INTS15: variants seen among roughly 807,000 people sequenced by gnomAD.
INTS15 encodes the protein uncharacterized protein C7orf26.
the INTS15 span, chr7:6,600,213 T>C: frequency 1.2e-6 from 2 of 1,614,182 alleles, no homozygotes; most frequent in Admixed American, 3.3e-5. Context: ...TTCGACCACA[T>C]GGTCCCGCTG....
At chr7:6,605,185 C>T in the INTS15 span, among the ~76,000 whole-genome samples, 1 of 152,082 alleles carries the variant, frequency 6.6e-6, no homozygotes, top group South Asian at 2.1e-4. Flanking sequence ...GACAGGGTTT[C>T]GCCATGTTGG....
the INTS15 span, among the ~76,000 whole-genome samples, chr7:6,603,839 CA>C: frequency 2.8e-5 from 4 of 145,330 alleles, no homozygotes; most frequent in Non-Finnish European, 3.0e-5. Flanking sequence ...AACTCCGTTT[CA>C]AAAAAAAAAA....
chr7:6,594,228 AAC>A, the INTS15 span, among the ~76,000 whole-genome samples: 4 of 151,238 alleles, frequency 2.6e-5, no homozygotes, highest in Admixed American at 2.6e-4. Flanking sequence ...GCTGGTCTCG[AAC>A]TCCTGACCTC....
At chr7:6,590,235 C>T in the INTS15 span, 2 of 1,423,914 alleles carry the variant, frequency 1.4e-6, no homozygotes, top group Non-Finnish European at 1.8e-6. Flanking sequence ...GTCCCGGGCC[C>T]CGGGCGGAAG....
chr7:6,608,612 C>T, the INTS15 span: 2 of 790,290 alleles, frequency 2.5e-6, no homozygotes, highest in Non-Finnish European at 3.1e-6. Flanking sequence ...TTATGTGCAG[C>T]ACTGCTCAGG....
At chr7:6,600,480 A>C in the INTS15 span, 1 of 1,044,654 alleles carries the variant, frequency 9.6e-7, no homozygotes, top group African/African-American at 1.6e-5. Flanking sequence ...CCTAGTGAAC[A>C]CAGGGGAGGA....
chr7:6,595,911 T>C, the INTS15 span, among the ~76,000 whole-genome samples: 2 of 152,162 alleles, frequency 1.3e-5, no homozygotes, highest in African/African-American at 4.8e-5. Context: ...CTGTTGCTGC[T>C]CACAGGGCTG....
At chr7:6,594,445 T>C in the INTS15 span, 1 of 1,614,034 alleles carries the variant, frequency 6.2e-7, no homozygotes, top group Non-Finnish European at 8.5e-7. Flanking sequence ...CGGACGCCCG[T>C]GGTTTACTGT....
the INTS15 span, among the ~76,000 whole-genome samples, chr7:6,593,124 G>A: frequency 1.3e-5 from 2 of 152,138 alleles, no homozygotes; most frequent in Non-Finnish European, 2.9e-5. Context: ...TGTAAAGCAA[G>A]AGCTGGCAGA....
chr7:6,596,050 C>CT, the INTS15 span, among the ~76,000 whole-genome samples: 126,802 of 148,396 alleles, frequency 0.85, 54,784 homozygotes, highest in African/African-American at 0.95. Context: ...TTTGAGCCTT[C>CT]TTTTTTTTTT....
chr7:6,593,475 C>T, the INTS15 span, among the ~76,000 whole-genome samples: 18,258 of 151,084 alleles, frequency 0.12, 1,367 homozygotes, highest in African/African-American at 0.22. Context: ...GGACTACAGG[C>T]GCCCACCATC....
At chr7:6,603,561 G>C in the INTS15 span, among the ~76,000 whole-genome samples, 1 of 150,880 alleles carries the variant, frequency 6.6e-6, no homozygotes, top group Non-Finnish European at 1.5e-5. Context: ...AAACAAAAAG[G>C]CTGGGCACGG....
chr7:6,598,735 T>TGTGTGTGTGTGTG, the INTS15 span, among the ~76,000 whole-genome samples: 3 of 83,618 alleles, frequency 3.6e-5, no homozygotes, highest in Admixed American at 3.3e-4. Context: ...GCTGTATGCT[T>TGTGTGTGTGTGTG]TGTGTGTGTG....
chr7:6,600,776 GC>G, the INTS15 span, among the ~76,000 whole-genome samples: 1 of 152,060 alleles, frequency 6.6e-6, no homozygotes. Flanking sequence ...TCGTGCATCA[GC>G]CTCCCGAAGA....
chr7:6,599,859 A>C, the INTS15 span: 1 of 1,613,982 alleles, frequency 6.2e-7, no homozygotes, highest in Admixed American at 1.7e-5. Context: ...GACTTGCTTG[A>C]AATGATTGTC....
At chr7:6,590,321 C>A in the INTS15 span, 1 of 1,591,254 alleles carries the variant, frequency 6.3e-7, no homozygotes, top group Non-Finnish European at 8.5e-7. Context: ...CGCCGCGATG[C>A]GCTGAGCGCC....
the INTS15 span, among the ~76,000 whole-genome samples, chr7:6,595,336 A>G: frequency 1.2e-4 from 18 of 151,814 alleles, no homozygotes; most frequent in Admixed American, 2.6e-4. Flanking sequence ...CTGATTTTTT[A>G]TATTTTTTGT....
the INTS15 span, among the ~76,000 whole-genome samples, chr7:6,598,735 T>TTGTGTGTGTGTGTGTGTGTGTGTGTG: frequency 9.6e-5 from 8 of 83,624 alleles, no homozygotes; most frequent in Admixed American, 3.3e-4. Context: ...GCTGTATGCT[T>TTGTGTGTGTGTGTGTGTGTGTGTGTG]TGTGTGTGTG....
At chr7:6,598,610 G>A in the INTS15 span, among the ~76,000 whole-genome samples, 1 of 152,146 alleles carries the variant, frequency 6.6e-6, no homozygotes, top group Non-Finnish European at 1.5e-5. Flanking sequence ...CCCAGAGAGA[G>A]GGGGCTGAGG....
Sources: allele counts gnomAD v4.1 joint callset (sites outside exome capture counted in the v4.1 genomes callset), GRCh38; gene constraint gnomAD v4.1.1; transcripts MANE v1.5; gene names NCBI Gene and HGNC (gene_info 2026-07-23, HGNC 2026-07-21).